CELSR1: variants seen among roughly 807,000 people sequenced by gnomAD.
CELSR1 encodes cadherin EGF LAG seven-pass G-type receptor 1, also known as adhesion G protein-coupled receptor C1.
In CELSR1, 110 loss-of-function variants were observed where a neutral mutation model predicts 249.1. The ratio of observed to expected loss-of-function variants is 0.44; its 90% CI spans 0.38 to 0.52. The LOEUF is 0.52. CELSR1 is among the 20% of genes least tolerant of loss of function. The pLI, the probability that CELSR1 is intolerant of heterozygous loss-of-function variation, is 0.00. For missense variants in CELSR1, 4,109 were observed against 4,296.4 expected (o/e 0.96, Z 1.22); for synonymous variants, 2,113 against 1,900.0 (o/e 1.11, Z -2.92).
chr22:46,460,869 C>T (rs2080018248), intron 2 of CELSR1, among the ~76,000 whole-genome samples: 1 of 152,194 alleles, frequency 6.6e-6, no homozygotes, highest in Non-Finnish European at 1.5e-5. Context: ...ATTTCAGGGA[C>T]ACGGGAGAGC....
In CELSR1 at chr22:46,384,615, C is replaced by G; in HGVS notation, c.6811G>C (p.Glu2271Gln). ...ARVPRFDTIHEEFPRELESSV... is the reference protein window; with the variant it reads ...ARVPRFDTIHQEFPRELESSV... ...GACTCCAGCTCCCTGGGGAACTCTT[C>G]ATGGATGGTGTCGAATCGCGGGACC... Residue 2271 changes from glutamate (E) to glutamine (Q), a missense_variant, in exon 20 of 35, where the codon GAA becomes CAA. Coordinates refer to ENST00000674500, the MANE Select transcript of CELSR1 (RefSeq NM_001378328.1). 6.2e-7 allele frequency: 1 copy of G among 1,613,802 alleles called. No homozygotes were observed. Among genetic ancestry groups the G allele is most frequent in the Non-Finnish European group, 8.5e-7 (1 of 1,179,912 alleles).
At chr22:46,419,784 C>T (rs1355557804) in intron 5 of CELSR1, among the ~76,000 whole-genome samples, 1 of 149,276 alleles carries the variant, frequency 6.7e-6, no homozygotes. Context: ...CACTCACACT[C>T]AAATGCGCCC....
chr22:46,525,741 C>T lies in CELSR1; in HGVS notation c.3544+7886G>A, dbSNP rs540771004. Among the ~76,000 whole-genome samples the T allele has an allele frequency of 4.6e-5, 7 of 152,338 alleles. No homozygotes were observed. The East Asian group carries it at 7.7e-4, about 17-fold the overall frequency. On this transcript the variant is annotated intron_variant, in intron 1 of 34. Transcript: ENST00000674500. The stretch of plus-strand genomic sequence containing the variant: ...CAGGCCACACCCCAGCTAAGGTGGC[C>T]GCTGCCAGGGGCCCCAGACCCCATC...
rs1198779612 is a variant in CELSR1, at chr22:46,367,848, G to T, written c.7960C>A (p.Leu2654Met). Reference protein sequence around the residue: ...YYGKKGIVSLLRTAFLLLLLI... With the variant: ...YYGKKGIVSLMRTAFLLLLLI... ...AGCAGCAGGAGGAATGCGGTCCTCA[G>T]CAGGGAGCTGCGGGAGGGCAGGATC... Residue 2654 changes from leucine to methionine, a missense_variant, in exon 28 of 35, where the codon CTG (leucine) becomes ATG (methionine). Around this residue, in one of 7 missense-constraint regions of CELSR1, gnomAD observed 1,805 missense variants for 1,831.6 expected, o/e 0.99. Coordinates refer to ENST00000674500, the MANE Select transcript of CELSR1 (RefSeq NM_001378328.1). 1 of 1,609,760 alleles carries T rather than the reference G, an allele frequency of 6.2e-7. No homozygotes were observed. The highest frequency in any genetic ancestry group is 8.5e-7 in the Non-Finnish European group (1 of 1,179,402).
intron 5 of CELSR1, among the ~76,000 whole-genome samples, chr22:46,420,993 G>A (rs749313494): frequency 6.6e-6 from 1 of 152,166 alleles, no homozygotes; most frequent in Non-Finnish European, 1.5e-5. Context: ...CGGATACACG[G>A]GTGGGTGAGA....
In CELSR1 at chr22:46,440,803, T is replaced by A. The variant is rs1007034483; in HGVS notation, c.4184-1392A>T. On this transcript the variant is annotated intron_variant, in intron 2 of 34. Coordinates refer to ENST00000674500, the MANE Select transcript of CELSR1 (RefSeq NM_001378328.1). This position sits in a 1 kb window ranked among gnomAD's most constrained non-coding sequence, Gnocchi z 4.7. ...GCCCCACAGAAATTTTTTGTCTGTA[T>A]GTGATCATATTTATCCATTTTTTTC... 1.3e-5 allele frequency among the ~76,000 whole-genome samples: 2 copies of A among 152,216 alleles called. No individual in the cohort carries two copies. The highest frequency in any genetic ancestry group is 4.8e-5 in the African/African-American group (2 of 41,446).
Position 46,363,362 on chromosome 22 carries a change from G to A in CELSR1, c.9036-115C>T, listed in dbSNP as rs569414244. ...ATCACCCCATCAGGGTAGAGGGGGC[G>A]TCTGGGGGCTCCAGGGAGGGCAAGC... On this transcript the variant is annotated intron_variant, in intron 34 of 34. Transcript: ENST00000674500. The surrounding 1 kb of genome is among the most constrained non-coding windows in gnomAD (Gnocchi z 4.3). 6.0e-5 allele frequency: 51 copies of A among 844,062 alleles called. No homozygotes were observed. Among genetic ancestry groups the A allele is most frequent in the South Asian group, 6.0e-4 (37 of 61,738 alleles). The allele number at this position is 844,062 out of a possible 1,614,324, so 52.3% of individuals were successfully genotyped here. A position where few individuals can be genotyped will look rare whatever the true frequency, so the allele number is the denominator to read the frequency against.
chr22:46,510,624 C>G (rs936761014), intron 1 of CELSR1, among the ~76,000 whole-genome samples: 6 of 152,096 alleles, frequency 3.9e-5, no homozygotes, highest in African/African-American at 1.4e-4. Flanking sequence ...CAGAGCGCAG[C>G]GGAAGGAAAA....
intron 1 of CELSR1, among the ~76,000 whole-genome samples, chr22:46,504,320 T>A (rs975663205): frequency 1.3e-5 from 2 of 151,982 alleles, no homozygotes; most frequent in African/African-American, 4.8e-5. Context: ...GAGATCAGCC[T>A]GGTCAATATG....
At chr22:46,532,094 G>T (rs542678192) in intron 1 of CELSR1, among the ~76,000 whole-genome samples, 1 of 152,266 alleles carries the variant, frequency 6.6e-6, no homozygotes, top group Admixed American at 6.5e-5. Flanking sequence ...CTAACAGCGG[G>T]GGGGCCCACA....
rs1247330811 is a variant in CELSR1 at position 46,464,592 on chromosome 22, T to A, written c.3545-247A>T. Among the ~76,000 whole-genome samples the A allele has an allele frequency of 6.6e-6, 1 of 151,502 alleles. No homozygotes were observed. Among genetic ancestry groups the A allele is most frequent in the African/African-American group, 2.4e-5 (1 of 41,304 alleles). ...CACCCTAACCCCTGCCCTGGCTTCCTAAAGCACAGCTCCGATCACATCTTT... is the reference window on the plus strand; with the variant it reads ...CACCCTAACCCCTGCCCTGGCTTCCAAAAGCACAGCTCCGATCACATCTTT... On this transcript the variant is annotated intron_variant, in intron 1 of 34. Transcript: ENST00000674500. The surrounding 1 kb of genome is among the most constrained non-coding windows in gnomAD (Gnocchi z 8.5).
chr22:46,485,455 C>A (rs2080303671), intron 1 of CELSR1, among the ~76,000 whole-genome samples: 2 of 152,290 alleles, frequency 1.3e-5, no homozygotes, highest in Middle Eastern at 3.4e-3. Context: ...AGACTCAAAG[C>A]TCCGTTTGGA....
At chr22:46,501,141 C>T (rs1302844454) in intron 1 of CELSR1, among the ~76,000 whole-genome samples, 1 of 151,490 alleles carries the variant, frequency 6.6e-6, no homozygotes, top group Non-Finnish European at 1.5e-5. Context: ...TCAAGCAATT[C>T]TCCTGCCTCA....
At chr22:46,385,446 G>C (rs993475847) in intron 19 of CELSR1, among the ~76,000 whole-genome samples, 1 of 152,074 alleles carries the variant, frequency 6.6e-6, no homozygotes, top group Admixed American at 6.6e-5. Context: ...CATCCCGCCT[G>C]TACTTACACC....
intron 2 of CELSR1, among the ~76,000 whole-genome samples, chr22:46,462,293 T>A (rs1328234347): frequency 1.3e-5 from 2 of 152,186 alleles, no homozygotes; most frequent in African/African-American, 2.4e-5. Context: ...ACCTGCCATA[T>A]GACCAGAGGG....
chr22:46,537,049 G>A lies in CELSR1; in HGVS notation c.122C>T (p.Ala41Val), dbSNP rs778668782. 22 of 1,088,418 alleles carry A rather than the reference G, an allele frequency of 2.0e-5. 1 individual carries two copies. In the Admixed American group the frequency reaches 7.4e-4, roughly 37 times the overall value. The allele number at this position is 1,088,418 out of a possible 1,614,324, so 67.4% of individuals were successfully genotyped here. A position where few individuals can be genotyped will look rare whatever the true frequency, so the allele number is the denominator to read the frequency against. Residue 41 changes from alanine (A) to valine (V), a missense_variant, in exon 1 of 35, where the codon GCC (alanine) becomes GTC (valine). This residue lies in a region of CELSR1 where 673 missense variants were observed against 636.8 expected (regional missense o/e 1.06). Coordinates refer to ENST00000674500, the MANE Select transcript of CELSR1 (RefSeq NM_001378328.1). The surrounding 1 kb of genome is among the most constrained non-coding windows in gnomAD (Gnocchi z 5.8). Reference sequence around the variant, plus strand: ...GGTACAGCCGGGCCGGAGGGCGAAGGCGCGGGTCCCGCCGGGTACGCGCGG... The same window carrying A: ...GGTACAGCCGGGCCGGAGGGCGAAGACGCGGGTCCCGCCGGGTACGCGCGG... ...WEPRVPGGTR[A>V]FALRPGCTYA...
intron 20 of CELSR1, 88 bp downstream of exon 20, chr22:46,384,455 G>C: frequency 5.6e-6 from 8 of 1,423,892 alleles, no homozygotes; most frequent in Non-Finnish European, 7.5e-6. Flanking sequence ...TCTTCAGTGC[G>C]CAGGTCCTGC....
In CELSR1 at chr22:46,361,455, C is replaced by A. The variant is rs972572417; in HGVS notation, c.*1768G>T. 1.3e-5 allele frequency: 2 copies of A among 152,382 alleles called. No homozygotes were observed. Among genetic ancestry groups the A allele is most frequent in the Admixed American group, 6.5e-5 (1 of 15,288 alleles). The allele number at this position is 152,382 out of a possible 1,614,324, so 9.4% of individuals were successfully genotyped here. On this transcript the variant is annotated 3_prime_UTR_variant, in exon 35 of 35. Transcript: ENST00000674500. ...AAAATTACACCTCAGGGGGCAGAAT[C>A]CTGTTAAAGTCATGAAAGGAGACTG...
chr22:46,411,088 A>T lies in CELSR1; in HGVS notation c.4769+514T>A, dbSNP rs2079328925. ...GTGGTGCATGCCTGTAGTCCCAGCT[A>T]CTCGGGAGGCTGTGGCAGGAGGATG... On this transcript the variant is annotated intron_variant, in intron 6 of 34. Transcript: ENST00000674500. This position sits in a 1 kb window ranked among gnomAD's most constrained non-coding sequence, Gnocchi z 4.2. Among the ~76,000 whole-genome samples the T allele has an allele frequency of 6.6e-6, 1 of 152,108 alleles. No individual in the cohort carries two copies. Among genetic ancestry groups the T allele is most frequent in the South Asian group, 2.1e-4 (1 of 4,812 alleles).
Sources: gnomAD v4.1 joint callset for allele counts (sites outside exome capture counted in the v4.1 genomes callset) on GRCh38, gnomAD v4.1.1 for gene constraint, gnomAD v4.1.1 regional missense constraint, Gnocchi (gnomAD v3.1) non-coding constraint, MANE v1.5 for transcripts, NCBI Gene and HGNC (gene_info 2026-07-23, HGNC 2026-07-21) for gene names.